TSPAN5: variants seen among roughly 807,000 people sequenced by gnomAD.
TSPAN5 encodes tetraspanin 5.
In TSPAN5, 10 loss-of-function variants were observed where a neutral mutation model predicts 37.1. That is an observed-to-expected ratio of 0.27 (90% CI 0.17 to 0.46). The LOEUF (loss-of-function observed/expected upper bound fraction) is 0.46. TSPAN5 is among the 20% of genes least tolerant of loss of function. The pLI, the probability that TSPAN5 is intolerant of heterozygous loss-of-function variation, is 1.00. For synonymous variants in TSPAN5, 110 were observed against 118.9 expected (o/e 0.93, Z 0.48); for missense variants, 195 against 326.6 (o/e 0.60, Z 3.11).
intron 1 of TSPAN5, among the ~76,000 whole-genome samples, chr4:98,627,085 CG>C (rs1365401481): frequency 2.0e-5 from 3 of 152,088 alleles, no homozygotes; most frequent in Admixed American, 6.5e-5. Context: ...TAGCTCTCCT[CG>C]TGGCAGGTAA....
At chr4:98,636,873 G>A (rs1560569391) in intron 1 of TSPAN5, among the ~76,000 whole-genome samples, 1 of 152,196 alleles carries the variant, frequency 6.6e-6, no homozygotes, top group African/African-American at 2.4e-5. Context: ...GGTACAATAA[G>A]AGAGGTTCAG....
chr4:98,602,685 C>T (rs1242010197), intron 1 of TSPAN5, among the ~76,000 whole-genome samples: 1 of 152,134 alleles, frequency 6.6e-6, no homozygotes, highest in Non-Finnish European at 1.5e-5. Context: ...CTACAATCAA[C>T]GCTTTTGCCC....
chr4:98,520,104 G>A (rs1018134240), intron 1 of TSPAN5, among the ~76,000 whole-genome samples: 7 of 152,168 alleles, frequency 4.6e-5, no homozygotes, highest in African/African-American at 1.7e-4. Flanking sequence ...TTGTCTTAGA[G>A]AGCATGAAGA....
chr4:98,635,537 A>C (rs7660421), intron 1 of TSPAN5, among the ~76,000 whole-genome samples: 18,831 of 152,302 alleles, frequency 0.12, 1,384 homozygotes, highest in South Asian at 0.32. Context: ...TCACAGTTTA[A>C]TAGCCAGCTT....
chr4:98,487,925 T>G (rs939123003), intron 2 of TSPAN5, among the ~76,000 whole-genome samples: 1 of 152,154 alleles, frequency 6.6e-6, no homozygotes, highest in African/African-American at 2.4e-5. Context: ...ACTGTGGATG[T>G]GCATGGGCCT....
chr4:98,561,164 C>A (rs1395455221), intron 1 of TSPAN5, among the ~76,000 whole-genome samples: 1 of 152,202 alleles, frequency 6.6e-6, no homozygotes, highest in African/African-American at 2.4e-5. Flanking sequence ...ACAAATATAT[C>A]CACTCCATGC....
At chr4:98,538,940 C>T (rs534310586) in intron 1 of TSPAN5, among the ~76,000 whole-genome samples, 5 of 152,142 alleles carry the variant, frequency 3.3e-5, no homozygotes, top group South Asian at 4.2e-4. Context: ...AAAGCTCTGC[C>T]GTGTCTGATA....
intron 1 of TSPAN5, among the ~76,000 whole-genome samples, chr4:98,584,807 C>T (rs904944121): frequency 6.6e-6 from 1 of 152,118 alleles, no homozygotes; most frequent in Non-Finnish European, 1.5e-5. Context: ...ATGGAGTGAC[C>T]AAGAGAATTG....
chr4:98,526,217 T>C (rs529594320), intron 1 of TSPAN5, among the ~76,000 whole-genome samples: 1 of 152,102 alleles, frequency 6.6e-6, no homozygotes, highest in African/African-American at 2.4e-5. Context: ...CAAAGTCAAG[T>C]CAGGAAACAG....
chr4:98,565,338 C>A (rs1754978647), intron 1 of TSPAN5, among the ~76,000 whole-genome samples: 1 of 152,092 alleles, frequency 6.6e-6, no homozygotes, highest in Non-Finnish European at 1.5e-5. Flanking sequence ...TAATAAGATT[C>A]TTGAAAGCAT....
At chr4:98,496,437 C>T (rs941853260) in intron 2 of TSPAN5, 1 of 152,182 alleles carries the variant, frequency 6.6e-6, no homozygotes, top group African/African-American at 2.4e-5. Context: ...TAAAAGACGA[C>T]TAGCTGCTTC....
Position 98,488,020 on chromosome 4 carries a change from T to C in TSPAN5, c.133-1136A>G, listed in dbSNP as rs542902530. ...AAAATACCTCCAGAGAATCACAGTA[T>C]AGTTTGCTGTAAAGCCTTAATAATA... On this transcript the variant is annotated intron_variant, in intron 2 of 7. Coordinates refer to ENST00000305798, the MANE Select transcript of TSPAN5 (RefSeq NM_005723.4). 2.0e-5 allele frequency among the ~76,000 whole-genome samples: 3 copies of C among 152,318 alleles called. No homozygotes were observed. In the East Asian group the frequency reaches 5.8e-4, roughly 29 times the overall value.
chr4:98,571,952 G>A (rs892452370), intron 1 of TSPAN5, among the ~76,000 whole-genome samples: 1 of 150,000 alleles, frequency 6.7e-6, no homozygotes, highest in African/African-American at 2.5e-5. Flanking sequence ...ACAATATAAT[G>A]AGAGAGACAT....
intron 1 of TSPAN5, among the ~76,000 whole-genome samples, chr4:98,570,566 G>A (rs1448075415): frequency 6.6e-6 from 1 of 152,132 alleles, no homozygotes; most frequent in Non-Finnish European, 1.5e-5. Flanking sequence ...AATGCTGACT[G>A]CAAATTTCAG....
rs115078046 is a variant in TSPAN5, at chr4:98,498,300, C to A, written c.132+9378G>T. The stretch of plus-strand genomic sequence containing the variant: ...GAGCCTGGGCCGCCTGACCCAAGAG[C>A]AGGGTTCACACCACTCCCTGTGATC... On this transcript the variant is annotated intron_variant, in intron 2 of 7. Coordinates refer to ENST00000305798, the MANE Select transcript of TSPAN5 (RefSeq NM_005723.4). Among the ~76,000 whole-genome samples the A allele has an allele frequency of 5.9e-3, 905 of 152,286 alleles. 6 individuals are homozygous for A. Among genetic ancestry groups the A allele is most frequent in the Non-Finnish European group, 0.01 (704 of 68,006 alleles).
rs183616242 is a variant in TSPAN5, at chr4:98,537,199, A to G, written c.82-29471T>C. 7.2e-4 allele frequency among the ~76,000 whole-genome samples: 110 copies of G among 152,280 alleles called. 1 individual carries two copies. The East Asian group carries it at 0.018, about 25-fold the overall frequency. ...GGAACAAGCGCAGTATCTATGCCGGAGTTCCTCAGGCTCAGTCCCTCACGG... is the reference window on the plus strand; with the variant it reads ...GGAACAAGCGCAGTATCTATGCCGGGGTTCCTCAGGCTCAGTCCCTCACGG... On this transcript the variant is annotated intron_variant, in intron 1 of 7. Transcript: ENST00000305798.
intron 2 of TSPAN5, among the ~76,000 whole-genome samples, chr4:98,490,362 T>C (rs1560510154): frequency 6.6e-6 from 1 of 152,214 alleles, no homozygotes; most frequent in Non-Finnish European, 1.5e-5. Context: ...CTGCACTCTC[T>C]GGGTTTAATT....
rs1204981272 is a variant in TSPAN5 at position 98,486,436 on chromosome 4, T to C, written c.279+302A>G. 3.8e-5 allele frequency: 9 copies of C among 237,744 alleles called. 1 individual carries two copies. Among genetic ancestry groups the C allele is most frequent in the Non-Finnish European group, 7.2e-5 (9 of 124,524 alleles). The allele number at this position is 237,744 out of a possible 1,614,324, so 14.7% of individuals were successfully genotyped here. ...TGGGAAGGAATCACTTAGAAGAAAA[T>C]ATATATATATACCTACCTTAGTCCT... On this transcript the variant is annotated intron_variant, in intron 3 of 7. Transcript: ENST00000305798.
At chr4:98,623,702 G>T (rs989690444) in intron 1 of TSPAN5, among the ~76,000 whole-genome samples, 4 of 152,134 alleles carry the variant, frequency 2.6e-5, no homozygotes, top group Admixed American at 6.5e-5. Context: ...AGCTCAGGCC[G>T]GTGGCCTTTT....
Sources: gnomAD v4.1 joint callset for allele counts (sites outside exome capture counted in the v4.1 genomes callset) on GRCh38, gnomAD v4.1.1 for gene constraint, MANE v1.5 for transcripts, NCBI Gene and HGNC (gene_info 2026-07-23, HGNC 2026-07-21) for gene names.